Variants in SLC1A2 observed in about 807,000 individuals in gnomAD.
SLC1A2 encodes the protein solute carrier family 1 member 2.
A neutral mutation model predicts 48.8 loss-of-function variants in SLC1A2; 15 were observed. The observed-to-expected ratio is 0.31, with a 90% CI of 0.21 to 0.47. The LOEUF (loss-of-function observed/expected upper bound fraction) is 0.47. SLC1A2 is among the 20% of genes least tolerant of loss of function. The pLI, the probability that SLC1A2 is intolerant of heterozygous loss-of-function variation, is 0.99. For missense variants in SLC1A2, 502 were observed against 730.5 expected, an observed-to-expected ratio of 0.69 and a Z score of 3.61; for synonymous variants, 279 against 272.6, an observed-to-expected ratio of 1.02 and a Z score of -0.23.
At chr11:35,265,452 G>GT (rs1950465122) in intron 10 of SLC1A2, 75 bp downstream of exon 10, 4 of 750,982 alleles carry the variant, frequency 5.3e-6, no homozygotes, top group Admixed American at 2.4e-5. Context: ...AGGGCTTTAC[G>GT]GTTTTTTTTT....
chr11:35,379,788 G>A (rs1854363869), intron 1 of SLC1A2, among the ~76,000 whole-genome samples: 1 of 152,160 alleles, frequency 6.6e-6, no homozygotes, highest in Admixed American at 6.5e-5. Flanking sequence ...CCAATTGAAA[G>A]CTTGATCTGA....
At chr11:35,410,809 GC>G (rs1437786420) in intron 1 of SLC1A2, among the ~76,000 whole-genome samples, 1 of 152,080 alleles carries the variant, frequency 6.6e-6, no homozygotes, top group Non-Finnish European at 1.5e-5. Context: ...GGGTGGGCAG[GC>G]TTTGGTGCGA....
Position 35,260,951 on chromosome 11 carries a change from G to A in SLC1A2, c.1668C>T (p.Ala556=), listed in dbSNP as rs1950385210. Residue 556 remains alanine, a synonymous_variant, in exon 11 of 11, where the codon GCC becomes GCT. Transcript: ENST00000278379. ...IVDECKVTLA[A]NGKSADCSVE... ...CACTGCAGTCGGCTGACTTTCCATT[G>A]GCTGCCAGAGTTACCTGAAAATAAT... 1 of 1,613,444 alleles carries A rather than the reference G, an allele frequency of 6.2e-7. No homozygotes were observed. The highest frequency in any genetic ancestry group is 8.5e-7 in the Non-Finnish European group (1 of 1,179,434).
At chr11:35,333,645 C>T (rs1852508306) in intron 1 of SLC1A2, among the ~76,000 whole-genome samples, 1 of 151,506 alleles carries the variant, frequency 6.6e-6, no homozygotes, top group East Asian at 1.9e-4. Flanking sequence ...TATTGTTAAT[C>T]ATGTAAGTTT....
At chr11:35,393,923 T>C (rs2135248953) in intron 1 of SLC1A2, among the ~76,000 whole-genome samples, 1 of 152,326 alleles carries the variant, frequency 6.6e-6, no homozygotes, top group African/African-American at 2.4e-5. Flanking sequence ...GGCTTTCTGC[T>C]GGTGAGAATG....
chr11:35,392,640 C>A (rs915400077), intron 1 of SLC1A2, among the ~76,000 whole-genome samples: 1 of 152,186 alleles, frequency 6.6e-6, no homozygotes, highest in South Asian at 2.1e-4. Flanking sequence ...AATTAAGACT[C>A]CCGGGGTTCC....
intron 7 of SLC1A2, among the ~76,000 whole-genome samples, chr11:35,290,089 C>A (rs1439365180): frequency 6.6e-6 from 1 of 152,144 alleles, no homozygotes; most frequent in Non-Finnish European, 1.5e-5. Flanking sequence ...GGTAAGCAAG[C>A]AGGGATGGGC....
intron 4 of SLC1A2, chr11:35,307,003 G>A (rs1851532198): frequency 6.6e-6 from 1 of 152,240 alleles, no homozygotes; most frequent in East Asian, 1.9e-4. Flanking sequence ...AGTATGAAAT[G>A]TCTAACTTGG....
intron 8 of SLC1A2, among the ~76,000 whole-genome samples, chr11:35,282,970 C>T (rs918734943): frequency 6.6e-6 from 1 of 151,262 alleles, no homozygotes; most frequent in Admixed American, 6.6e-5. Flanking sequence ...CCTGGCCTTC[C>T]ACTCCCCTGG....
chr11:35,333,827 A>ATTTTTTTTTTTTTTTTTTT (rs373988431), intron 1 of SLC1A2, among the ~76,000 whole-genome samples: 4 of 126,174 alleles, frequency 3.2e-5, no homozygotes, highest in Non-Finnish European at 6.6e-5. Flanking sequence ...ATGCCAGCTA[A>ATTTTTTTTTTTTTTTTTTT]TTTTTTTTTT....
At chr11:35,382,824 T>C (rs1228300071) in intron 1 of SLC1A2, among the ~76,000 whole-genome samples, 1 of 151,116 alleles carries the variant, frequency 6.6e-6, no homozygotes, top group African/African-American at 2.4e-5. Flanking sequence ...TCCTAAAGGG[T>C]AGGTGAATGA....
Position 35,272,969 on chromosome 11 carries a change from C to A in SLC1A2, c.1422-7211G>T, listed in dbSNP as rs139742211. ...TCATCTTCATCTCTCAGTCTAAATC[C>A]TCCAACAGGGAAATGTGAAATCGTC... On this transcript the variant is annotated intron_variant, in intron 9 of 10. Coordinates refer to ENST00000278379, the MANE Select transcript of SLC1A2 (RefSeq NM_004171.4). Among the ~76,000 whole-genome samples, 672 of 152,270 alleles carry A rather than the reference C, an allele frequency of 4.4e-3. 7 individuals carry two copies. Among genetic ancestry groups the A allele is most frequent in the African/African-American group, 0.016 (651 of 41,548 alleles).
chr11:35,397,938 A>G (rs1855016494), intron 1 of SLC1A2, among the ~76,000 whole-genome samples: 1 of 152,214 alleles, frequency 6.6e-6, no homozygotes, highest in African/African-American at 2.4e-5. Context: ...GACATGAGTG[A>G]ACTCCATTTT....
At chr11:35,407,992 C>G (rs562070424) in intron 1 of SLC1A2, among the ~76,000 whole-genome samples, 49 of 152,208 alleles carry the variant, frequency 3.2e-4, no homozygotes, top group Non-Finnish European at 6.6e-4. Flanking sequence ...TACTGATATT[C>G]CACTCGCCAC....
chr11:35,255,040 A>C lies in SLC1A2; in HGVS notation c.*5854T>G. The C allele has an allele frequency of 6.6e-6, 2 of 301,190 alleles. No homozygotes were observed. The highest frequency in any genetic ancestry group is 1.3e-5 in the Non-Finnish European group (2 of 154,278). The allele number at this position is 301,190 out of a possible 1,614,324, so 18.7% of individuals were successfully genotyped here. A position where few individuals can be genotyped will look rare whatever the true frequency, so the allele number is the denominator to read the frequency against. ...GCTGCCCTTGCATCAGGTTTTTTGCACTAATGGAAAAAAGCCGGCCGAAAA... is the reference window on the plus strand; with the variant it reads ...GCTGCCCTTGCATCAGGTTTTTTGCCCTAATGGAAAAAAGCCGGCCGAAAA... On this transcript the variant is annotated 3_prime_UTR_variant, in exon 11 of 11. Coordinates refer to ENST00000278379, the MANE Select transcript of SLC1A2 (RefSeq NM_004171.4).
At chr11:35,319,927 A>G (rs144663333) in intron 1 of SLC1A2, among the ~76,000 whole-genome samples, 124 of 152,354 alleles carry the variant, frequency 8.1e-4, no homozygotes, top group African/African-American at 2.9e-3. Flanking sequence ...TTGCACATAG[A>G]AAATAATTTT....
chr11:35,306,303 A>C (rs1851504929), intron 4 of SLC1A2, 61 bp from the exon 5 acceptor site: 1 of 1,336,126 alleles, frequency 7.5e-7, no homozygotes, highest in Non-Finnish European at 1.0e-6. Context: ...TGAAAAAAAA[A>C]AAGATTGGCT....
At chr11:35,283,386 C>T (rs902387456) in intron 8 of SLC1A2, among the ~76,000 whole-genome samples, 7 of 152,216 alleles carry the variant, frequency 4.6e-5, no homozygotes, top group South Asian at 2.1e-4. Flanking sequence ...TATATACACC[C>T]GTGGTGGGTG....
rs144206468 is a variant in SLC1A2, at chr11:35,410,464, G to A, written c.17+8486C>T. On this transcript the variant is annotated intron_variant, in intron 1 of 10. Coordinates refer to ENST00000278379, the MANE Select transcript of SLC1A2 (RefSeq NM_004171.4). ...CAGATGATAGCTTTGTGGACGCCTG[G>A]ATATTCTGATCACAAGCAACCAGAC... 1.6e-3 allele frequency among the ~76,000 whole-genome samples: 242 copies of A among 152,234 alleles called. 1 individual carries two copies. Among genetic ancestry groups the A allele is most frequent in the Non-Finnish European group, 8.4e-4 (57 of 68,016 alleles).
Sources: allele counts gnomAD v4.1 joint callset (sites outside exome capture counted in the v4.1 genomes callset), GRCh38; gene constraint gnomAD v4.1.1; transcripts MANE v1.5; gene names NCBI Gene and HGNC (gene_info 2026-07-23, HGNC 2026-07-21).